Variants in ADGRV1 observed in about 807,000 individuals in gnomAD.
ADGRV1 encodes adhesion G protein-coupled receptor V1, also known as G-protein coupled receptor 98.
In ADGRV1, 359 loss-of-function variants were observed where a neutral mutation model predicts 596.2. The observed-to-expected ratio is 0.60, with a 90% CI of 0.55 to 0.66. The LOEUF (loss-of-function observed/expected upper bound fraction) is 0.66, where lower values mean the gene tolerates loss of function less well. ADGRV1 is among the 30% of genes least tolerant of loss of function. The pLI, the probability that ADGRV1 is intolerant of heterozygous loss-of-function variation, is 0.00. For missense variants in ADGRV1, 7,274 were observed against 7,575.6 expected (o/e 0.96, Z 1.48); for synonymous variants, 2,681 against 2,679.2 (o/e 1.00, Z -0.02).
intron 86 of ADGRV1, among the ~76,000 whole-genome samples, chr5:91,098,276 C>T (rs569057453): frequency 6.0e-5 from 9 of 150,044 alleles, no homozygotes; most frequent in African/African-American, 2.2e-4. Flanking sequence ...AACATGCCCC[C>T]CAACCAACTT....
intron 28 of ADGRV1, among the ~76,000 whole-genome samples, chr5:90,684,549 G>A (rs949939439): frequency 3.1e-4 from 47 of 152,100 alleles, no homozygotes; most frequent in African/African-American, 1.1e-3. Flanking sequence ...AGAAACAACA[G>A]ACATTTTTCC....
chr5:90,724,402 G>A (rs1441025602), intron 45 of ADGRV1, among the ~76,000 whole-genome samples: 1 of 151,960 alleles, frequency 6.6e-6, no homozygotes, highest in Non-Finnish European at 1.5e-5. Context: ...GCTGATTTTT[G>A]TATTTTTAGT....
intron 87 of ADGRV1, among the ~76,000 whole-genome samples, chr5:91,117,131 A>C (rs1562241002): frequency 6.6e-6 from 1 of 152,168 alleles, no homozygotes; most frequent in African/African-American, 2.4e-5. Context: ...AAAACAAAAG[A>C]ATTTGAATTC....
Position 90,674,120 on chromosome 5 carries a change from G to A in ADGRV1, c.4996G>A (p.Val1666Ile). The change falls in exon 23 of 90, where the codon GTT becomes ATT. Residue 1666 changes from valine (V) to isoleucine (I), a missense_variant. Coordinates refer to ENST00000405460, the MANE Select transcript of ADGRV1 (RefSeq NM_032119.4). The stretch of plus-strand genomic sequence containing the variant: ...TAATGAGTATTTCCGTGTGACATTG[G>A]TTTCTGCAATTCCTGGAGATGGGAA... ...ELNEYFRVTL[V>I]SAIPGDGKLG... The A allele has an allele frequency of 1.2e-6, 2 of 1,613,124 alleles. No individual in the cohort carries two copies. The highest frequency in any genetic ancestry group is 1.7e-6 in the Non-Finnish European group (2 of 1,179,458).
intron 2 of ADGRV1, among the ~76,000 whole-genome samples, chr5:90,615,909 T>C (rs1343281815): frequency 6.6e-6 from 1 of 152,004 alleles, no homozygotes; most frequent in Non-Finnish European, 1.5e-5. Context: ...TCATTCTTCC[T>C]TTTCATTGTG....
At chr5:91,094,270 C>A (rs191839274) in intron 86 of ADGRV1, among the ~76,000 whole-genome samples, 253 of 151,934 alleles carry the variant, frequency 1.7e-3, no homozygotes, top group African/African-American at 5.7e-3. Flanking sequence ...ACCAGCCTGG[C>A]CAACATGATA....
intron 83 of ADGRV1, among the ~76,000 whole-genome samples, chr5:90,937,518 C>A (rs898299405): frequency 7.0e-6 from 1 of 141,856 alleles, no homozygotes; most frequent in Non-Finnish European, 1.5e-5. Flanking sequence ...AGTGCAGTGG[C>A]GTGATCGCGG....
At chr5:90,619,055 T>A in intron 3 of ADGRV1, 31 bp from the exon 4 acceptor site, 1 of 1,010,486 alleles carries the variant, frequency 9.9e-7, no homozygotes. Flanking sequence ...TATTTTTAAT[T>A]CATTATTTTA....
chr5:91,040,159 G>GA (rs1327394380), intron 85 of ADGRV1, among the ~76,000 whole-genome samples: 9 of 151,844 alleles, frequency 5.9e-5, no homozygotes, highest in African/African-American at 1.5e-4. Flanking sequence ...TTTCAATTCA[G>GA]AAAAAAATGC....
chr5:90,586,568 C>A (rs75380412), intron 1 of ADGRV1, among the ~76,000 whole-genome samples: 1,887 of 152,268 alleles, frequency 0.012, 39 homozygotes, highest in African/African-American at 0.044. Flanking sequence ...TCACATGTTT[C>A]TTTAGCCCCC....
intron 84 of ADGRV1, among the ~76,000 whole-genome samples, chr5:90,968,849 A>G (rs977742091): frequency 7.2e-5 from 11 of 152,194 alleles, no homozygotes; most frequent in African/African-American, 9.7e-5. Context: ...TTTTAGTAAT[A>G]TAGGAGCGAA....
chr5:90,827,064 G>A (rs1313446619), intron 76 of ADGRV1, among the ~76,000 whole-genome samples: 1 of 152,052 alleles, frequency 6.6e-6, no homozygotes, highest in East Asian at 1.9e-4. Flanking sequence ...AATATTTGTT[G>A]CAAATATTTT....
At chr5:91,095,626 A>T (rs1194552898) in intron 86 of ADGRV1, among the ~76,000 whole-genome samples, 4 of 152,186 alleles carry the variant, frequency 2.6e-5, no homozygotes, top group African/African-American at 9.6e-5. Context: ...AAATATTCAG[A>T]TCACGGAAAC....
chr5:90,879,774 C>T (rs947258152), intron 83 of ADGRV1, among the ~76,000 whole-genome samples: 5 of 151,946 alleles, frequency 3.3e-5, no homozygotes, highest in Non-Finnish European at 7.4e-5. Context: ...TGGTGAAACC[C>T]CTGTGTCTAC....
intron 85 of ADGRV1, among the ~76,000 whole-genome samples, chr5:91,044,788 T>G (rs1440053196): frequency 6.6e-6 from 1 of 152,212 alleles, no homozygotes; most frequent in Admixed American, 6.5e-5. Context: ...GAACCCTTGT[T>G]ATGTACCAGT....
Position 91,035,859 on chromosome 5 carries a change from T to TAAA in ADGRV1, c.18153-36587_18153-36586insAAA, listed in dbSNP as rs1562121624. Reference sequence around the variant, plus strand: ...AAATGAGTGTGTATATATATATATATATTATATATATATATATATATATCT... The same window carrying TAAA: ...AAATGAGTGTGTATATATATATATATAAAATTATATATATATATATATATATCT... On this transcript the variant is annotated intron_variant, in intron 85 of 89. Transcript: ENST00000405460. Among the ~76,000 whole-genome samples the TAAA allele has an allele frequency of 2.8e-3, 124 of 43,858 alleles. 4 individuals are homozygous for TAAA. Among genetic ancestry groups the TAAA allele is most frequent in the East Asian group, 0.017 (29 of 1,746 alleles). 28.8% of individuals were successfully genotyped at this position (43,858 alleles called of 152,430 possible). A position where few individuals can be genotyped will look rare whatever the true frequency, so the allele number is the denominator to read the frequency against.
chr5:90,766,264 C>T (rs1757133483), intron 59 of ADGRV1, among the ~76,000 whole-genome samples: 1 of 151,986 alleles, frequency 6.6e-6, no homozygotes, highest in Non-Finnish European at 1.5e-5. Context: ...AAAACTACCC[C>T]TCTCTCACAT....
chr5:90,956,382 A>G (rs1777482023), intron 83 of ADGRV1, among the ~76,000 whole-genome samples: 1 of 152,164 alleles, frequency 6.6e-6, no homozygotes, highest in Non-Finnish European at 1.5e-5. Flanking sequence ...AAAATTATCT[A>G]AAATCTGAAT....
At position 90,854,118 on chromosome 5, in the gene ADGRV1, G is replaced by T. The variant is rs1252025072; in HGVS notation, c.17511G>T (p.Glu5837Asp). Reference protein sequence around the residue: ...QSSQLLTNDNEVLYRIYAAEP... With the variant: ...QSSQLLTNDNDVLYRIYAAEP... ...CACAACTCCTGACTAATGACAATGA[G>T]GTTCTCTACAGGATTTATGCTGCTG... The change falls in exon 81 of 90, where the codon GAG (glutamate) becomes GAT (aspartate). Residue 5837 changes from glutamate (E) to aspartate (D), a missense_variant. By Grantham distance (45) the Glu-to-Asp change is conservative. This residue lies in a region of ADGRV1 where 1,874 missense variants were observed against 1,970.2 expected (regional missense o/e 0.95). Transcript: ENST00000405460. The T allele has an allele frequency of 1.9e-6, 3 of 1,580,442 alleles. No individual in the cohort carries two copies. Among genetic ancestry groups the T allele is most frequent in the Non-Finnish European group, 2.6e-6 (3 of 1,160,156 alleles).
Sources: gnomAD v4.1 joint callset for allele counts (sites outside exome capture counted in the v4.1 genomes callset) on GRCh38, gnomAD v4.1.1 for gene constraint, gnomAD v4.1.1 regional missense constraint, MANE v1.5 for transcripts, NCBI Gene and HGNC (gene_info 2026-07-23, HGNC 2026-07-21) for gene names.